Variants in NOP2 observed in about 807,000 individuals in gnomAD.
NOP2 encodes 28S rRNA (cytosine(4447)-C(5))-methyltransferase.
In NOP2, 7 loss-of-function variants were observed where a neutral mutation model predicts 72.7. That is an observed-to-expected ratio of 0.10 (90% CI 0.05 to 0.18). The LOEUF is 0.18. Ranked by LOEUF, NOP2 falls within the 10% of genes least tolerant of loss-of-function variation. NOP2 has a pLI of 1.00. For missense variants in NOP2, 954 were observed against 1,014.7 expected (o/e 0.94, Z 0.81); for synonymous variants, 387 against 388.0 (o/e 1.00, Z 0.03).
chr12:6,565,275 T>A (rs1947749235), intron 5 of NOP2, among the ~76,000 whole-genome samples: 1 of 151,724 alleles, frequency 6.6e-6, no homozygotes, highest in African/African-American at 2.4e-5. Flanking sequence ...CGCTTCAGCA[T>A]CCTGAGAAGC....
In NOP2 at chr12:6,557,429, G is replaced by A. The variant is rs752073281; in HGVS notation, c.2003C>T (p.Thr668Ile). Reference protein sequence around the residue: ...DSELSTVPSVTKTQASSSFQD... With the variant: ...DSELSTVPSVIKTQASSSFQD... ...GAAGCTGGAGGAAGCTTGGGTCTTT[G>A]TGACAGAAGGTACAGTGGACAATTC... is the stretch of plus-strand genomic sequence containing the variant. The change falls in exon 16 of 16, where the codon ACA (threonine) becomes ATA (isoleucine). Residue 668 changes from threonine (T) to isoleucine (I), a missense_variant. Physicochemically the swap from Thr to Ile is moderately conservative, Grantham distance 89. This residue lies in a region of NOP2 where 269 missense variants were observed against 260.2 expected (regional missense o/e 1.03). Coordinates refer to ENST00000322166, the MANE Select transcript of NOP2 (RefSeq NM_001258308.2). 3.1e-6 allele frequency: 5 copies of A among 1,614,046 alleles called. No individual in the cohort carries two copies. The highest frequency in any genetic ancestry group is 1.1e-5 in the South Asian group (1 of 91,084).
At position 6,557,296 on chromosome 12, in the gene NOP2, A is replaced by C; in HGVS notation, c.2136T>G (p.Ala712=). 1 of 1,614,008 alleles carries C rather than the reference A, an allele frequency of 6.2e-7. No homozygotes were observed. Among genetic ancestry groups the C allele is most frequent in the Non-Finnish European group, 8.5e-7 (1 of 1,179,888 alleles). Residue 712 remains alanine (A), a synonymous_variant, in exon 16 of 16, where the codon GCT becomes GCG. Transcript: ENST00000322166. ...TGGGAGGGGCATTCTGCCTGAGGAA[A>C]GCAACTTTCTTGGAGGACTGTAATT... ...SPKLQSSKKV[A]FLRQNAPPKG...
At chr12:6,565,364 A>T (rs556001006) in intron 5 of NOP2, among the ~76,000 whole-genome samples, 20 of 151,382 alleles carry the variant, frequency 1.3e-4, no homozygotes, top group African/African-American at 4.6e-4. Context: ...TTTTTGAGAC[A>T]GAGTCTCACT....
Position 6,557,753 on chromosome 12 carries a change from A to T in NOP2, c.1790-111T>A. ...CATTTCCTGGGCAGGAGCTCCACAC[A>T]ATTAGGTCAGTGCCTAAGAGCAGAT... On this transcript the variant is annotated intron_variant, in intron 15 of 15. Coordinates refer to ENST00000322166, the MANE Select transcript of NOP2 (RefSeq NM_001258308.2). 4.3e-6 allele frequency: 5 copies of T among 1,170,506 alleles called. No individual in the cohort carries two copies. The South Asian group carries it at 7.3e-5, about 17-fold the overall frequency. The allele number at this position is 1,170,506 out of a possible 1,614,324, so 72.5% of individuals were successfully genotyped here.
chr12:6,560,580 A>G lies in NOP2; in HGVS notation c.1438-11T>C, dbSNP rs1192693520. 2 of 1,596,912 alleles carry G rather than the reference A, an allele frequency of 1.3e-6. No individual in the cohort carries two copies. Among genetic ancestry groups the G allele is most frequent in the Middle Eastern group, 1.7e-4 (1 of 5,984 alleles). ...GATGTCCTTCTCATCCTGTCCCAAAAAGAGACCCAAAGGCAGCCTCAGGAG... is the reference window on the plus strand; with the variant it reads ...GATGTCCTTCTCATCCTGTCCCAAAGAGAGACCCAAAGGCAGCCTCAGGAG... On this transcript the variant is annotated splice_polypyrimidine_tract_variant and intron_variant, in intron 13 of 15. Coordinates refer to ENST00000322166, the MANE Select transcript of NOP2 (RefSeq NM_001258308.2). The surrounding 1 kb of genome is among the most constrained non-coding windows in gnomAD (Gnocchi z 5.0).
chr12:6,563,232 A>AG, intron 8 of NOP2, 62 bp from the exon 9 acceptor site: 1 of 1,549,410 alleles, frequency 6.5e-7, no homozygotes, highest in Non-Finnish European at 8.7e-7. Flanking sequence ...AGAAGAGGGG[A>AG]GCAAGGGGGC....
chr12:6,564,414 G>A, intron 5 of NOP2: 1 of 172,992 alleles, frequency 5.8e-6, no homozygotes, highest in South Asian at 1.0e-4. Context: ...GGACAAAAAT[G>A]GCCCTTGACT....
chr12:6,561,519 G>T, intron 11 of NOP2, 145 bp downstream of exon 11: 1 of 981,130 alleles, frequency 1.0e-6, no homozygotes. Flanking sequence ...AACCCAGGCC[G>T]ACTCCAGAAA....
chr12:6,567,986 G>T, intron 1 of NOP2, 64 bp from the exon 2 acceptor site: 1 of 1,305,092 alleles, frequency 7.7e-7, no homozygotes, highest in Non-Finnish European at 1.1e-6. Context: ...CAGAACGCAC[G>T]CTTGGCGTAT....
chr12:6,563,592 TC>T (rs777895868), intron 7 of NOP2, 21 bp downstream of exon 7: 1 of 1,608,486 alleles, frequency 6.2e-7, no homozygotes, highest in South Asian at 1.1e-5. Context: ...TCCTAACTCT[TC>T]ACTCTGCCCT....
chr12:6,557,340 G>A lies in NOP2; in HGVS notation c.2092C>T (p.Leu698=). The A allele has an allele frequency of 6.2e-7, 1 of 1,614,038 alleles. No individual in the cohort carries two copies. The highest frequency in any genetic ancestry group is 1.1e-5 in the South Asian group (1 of 91,086). ...GIREPKVTGK[L]KQRSPKLQSS... ...TGTAATTTAGGTGATCGTTGCTTTAGCTTCCCAGTCACCTTTGGCTCCCTG... is the reference window on the plus strand; with the variant it reads ...TGTAATTTAGGTGATCGTTGCTTTAACTTCCCAGTCACCTTTGGCTCCCTG... The change falls in exon 16 of 16, where the codon CTA becomes TTA. Residue 698 remains leucine (L), a synonymous_variant. Coordinates refer to ENST00000322166, the MANE Select transcript of NOP2 (RefSeq NM_001258308.2).
At chr12:6,566,755 A>T in intron 3 of NOP2, 22 bp downstream of exon 3, 1 of 1,611,902 alleles carries the variant, frequency 6.2e-7, no homozygotes, top group Non-Finnish European at 8.5e-7. Flanking sequence ...TAACCTACTT[A>T]AGTTTTGACA....
chr12:6,563,184 C>A lies in NOP2; in HGVS notation c.889-14G>T. ...GAACTCCACCAGCTGCGGGGCAAGA[C>A]AGCAGGGAATAAGTGAGGCTGGCTA... On this transcript the variant is annotated splice_polypyrimidine_tract_variant and intron_variant, in intron 8 of 15. Transcript: ENST00000322166. 1 of 1,576,496 alleles carries A rather than the reference C, an allele frequency of 6.3e-7. No homozygotes were observed. The highest frequency in any genetic ancestry group is 1.2e-5 in the South Asian group (1 of 85,966).
chr12:6,568,113 T>TC, intron 1 of NOP2, 94 bp downstream of exon 1: 1 of 590,534 alleles, frequency 1.7e-6, no homozygotes, highest in Non-Finnish European at 3.0e-6. Context: ...CCGAACGCCC[T>TC]CCCACCTGAA....
chr12:6,563,174 C>T lies in NOP2; in HGVS notation c.889-4G>A, dbSNP rs140095660. 1.3e-4 allele frequency: 213 copies of T among 1,582,584 alleles called. 1 individual carries two copies. The African/African-American group carries it at 2.3e-3, about 17-fold the overall frequency. On this transcript the variant is annotated splice_polypyrimidine_tract_variant and splice_region_variant and intron_variant, in intron 8 of 15. Coordinates refer to ENST00000322166, the MANE Select transcript of NOP2 (RefSeq NM_001258308.2). The stretch of plus-strand genomic sequence containing the variant: ...TAGCTTCTAAGAACTCCACCAGCTG[C>T]GGGGCAAGACAGCAGGGAATAAGTG...
chr12:6,562,105 C>T, intron 9 of NOP2, 134 bp from the exon 10 acceptor site: 1 of 688,920 alleles, frequency 1.5e-6, no homozygotes, highest in Admixed American at 2.3e-5. Context: ...TCTCTCGTGC[C>T]TCAGCCTCCT....
At chr12:6,567,306 A>G (rs1446488940) in intron 2 of NOP2, among the ~76,000 whole-genome samples, 1 of 152,194 alleles carries the variant, frequency 6.6e-6, no homozygotes. Flanking sequence ...AGGACTTCCT[A>G]CTATCTCAAT....
intron 15 of NOP2, among the ~76,000 whole-genome samples, chr12:6,558,722 T>C (rs1252379832): frequency 6.6e-6 from 1 of 151,192 alleles, no homozygotes; most frequent in East Asian, 2.0e-4. Flanking sequence ...GGGATCCTCC[T>C]ACCTCAGCCT....
intron 15 of NOP2, chr12:6,558,272 GTT>G: frequency 4.0e-6 from 1 of 251,184 alleles, no homozygotes; most frequent in Non-Finnish European, 7.9e-6. Flanking sequence ...GGGTTTTGGG[GTT>G]TTTTTTTTCT....
Sources: gnomAD v4.1 joint callset for allele counts (sites outside exome capture counted in the v4.1 genomes callset) on GRCh38, gnomAD v4.1.1 for gene constraint, gnomAD v4.1.1 regional missense constraint, Gnocchi (gnomAD v3.1) non-coding constraint, MANE v1.5 for transcripts, NCBI Gene and HGNC (gene_info 2026-07-23, HGNC 2026-07-21) for gene names.